EPS15L1: variants seen among roughly 807,000 people sequenced by gnomAD.
The protein encoded by EPS15L1 is epidermal growth factor receptor substrate 15-like 1.
In EPS15L1, 43 loss-of-function variants were observed where a neutral mutation model predicts 117.1. The ratio of observed to expected loss-of-function variants is 0.37; its 90% CI spans 0.29 to 0.47. The LOEUF is 0.47. Among genes scored for constraint, EPS15L1 ranks in the 20% least tolerant of loss-of-function variants. The probability of loss-of-function intolerance (pLI) is 0.99; values close to 1 mark genes in which losing one functional copy is unlikely to be tolerated. For synonymous variants in EPS15L1, 459 were observed against 470.5 expected (o/e 0.98, Z 0.32); for missense variants, 981 against 1,164.0 (o/e 0.84, Z 2.29).
chr19:16,428,873 G>A (rs556053500), intron 7 of EPS15L1, 112 bp from the exon 8 acceptor site: 102 of 782,630 alleles, frequency 1.3e-4, no homozygotes, highest in Non-Finnish European at 2.1e-4. Flanking sequence ...CTCAGGAGAC[G>A]GCAGTCAATA....
intron 13 of EPS15L1, among the ~76,000 whole-genome samples, chr19:16,407,743 A>G (rs1408913583): frequency 6.6e-6 from 1 of 152,138 alleles, no homozygotes; most frequent in Admixed American, 6.5e-5. Flanking sequence ...TTTCTCCCCC[A>G]TTTAGGAACC....
rs777149194 is a variant in EPS15L1 at position 16,402,369 on chromosome 19, G to C, written c.1743C>G (p.Asn581Lys). The change falls in exon 16 of 24, where the codon AAC (asparagine) becomes AAG (lysine). Residue 581 changes from asparagine (N) to lysine (K), a missense_variant. Physicochemically the swap from Asn to Lys is moderately conservative, Grantham distance 94 (BLOSUM62 0). Around this residue, in one of 5 missense-constraint regions of EPS15L1, gnomAD observed 819 missense variants for 949.0 expected, o/e 0.86. Transcript: ENST00000455140. ...CTGCCAGGGAGACGCCTTCGCTCAG[G>C]TTGGCCAGGTCGGTCAGGCTGGCAC... ...AHGASLTDLA[N>K]LSEGVSLAER... 5 of 1,614,024 alleles carry C rather than the reference G, an allele frequency of 3.1e-6. No homozygotes were observed. In the Admixed American group the frequency reaches 8.3e-5, roughly 27 times the overall value.
Position 16,355,772 on chromosome 19 carries a change from C to T in EPS15L1, c.2666G>A (p.Arg889Gln), listed in dbSNP as rs1350099327. The change falls in exon 24 of 24, where the codon CGG becomes CAG. Residue 889 changes from arginine to glutamine, a missense_variant. Coordinates refer to ENST00000455140, the MANE Select transcript of EPS15L1 (RefSeq NM_001258374.3). ...KAEQERLARLRRQEQEDLELA... is the reference protein window; with the variant it reads ...KAEQERLARLQRQEQEDLELA... ...TTCCAGGTCCTCCTGCTCCTGCCGCCGCAGCCGCGCCAGCCTCTCCTGTTC... is the reference window on the plus strand; with the variant it reads ...TTCCAGGTCCTCCTGCTCCTGCCGCTGCAGCCGCGCCAGCCTCTCCTGTTC... 14 of 1,535,944 alleles carry T rather than the reference C, an allele frequency of 9.1e-6. No individual in the cohort carries two copies. In the Middle Eastern group the frequency reaches 6.7e-4, roughly 73 times the overall value.
At chr19:16,392,900 G>C (rs2092493120) in intron 18 of EPS15L1, among the ~76,000 whole-genome samples, 1 of 151,878 alleles carries the variant, frequency 6.6e-6, no homozygotes, top group African/African-American at 2.4e-5. Context: ...AAATTAGCCA[G>C]GTGTGGTGGC....
At chr19:16,410,177 T>C (rs1031631866) in intron 13 of EPS15L1, among the ~76,000 whole-genome samples, 1 of 147,890 alleles carries the variant, frequency 6.8e-6, no homozygotes, top group East Asian at 2.0e-4. Context: ...AAGAAAAAAA[T>C]TTTTTCAATA....
At chr19:16,407,608 G>T (rs186841549) in intron 13 of EPS15L1, among the ~76,000 whole-genome samples, 3 of 152,314 alleles carry the variant, frequency 2.0e-5, no homozygotes, top group Non-Finnish European at 4.4e-5. Context: ...TTATAGGTGT[G>T]AGCCACCATG....
chr19:16,451,404 C>T (rs2093140888), intron 1 of EPS15L1, among the ~76,000 whole-genome samples: 1 of 152,086 alleles, frequency 6.6e-6, no homozygotes, highest in Non-Finnish European at 1.5e-5. Context: ...TCAGATAATA[C>T]CAATACCAAA....
chr19:16,362,899 A>G (rs2144636142), intron 22 of EPS15L1, among the ~76,000 whole-genome samples: 1 of 152,254 alleles, frequency 6.6e-6, no homozygotes, highest in African/African-American at 2.4e-5. Flanking sequence ...GGCTTCTGCC[A>G]AGCAGGGAAC....
chr19:16,361,671 A>G (rs1158280321), intron 23 of EPS15L1, 108 bp downstream of exon 23: 3 of 1,462,436 alleles, frequency 2.1e-6, no homozygotes, highest in Admixed American at 5.5e-5. Flanking sequence ...GTGAGGTACC[A>G]AGAGGCTAAA....
intron 1 of EPS15L1, among the ~76,000 whole-genome samples, chr19:16,444,067 A>AAC (rs1395874096): frequency 2.2e-4 from 33 of 150,592 alleles, no homozygotes; most frequent in African/African-American, 7.8e-4. Flanking sequence ...CCGTCTCAAA[A>AAC]AAAAAAAAAA....
At chr19:16,416,792 C>G (rs2092762261) in intron 12 of EPS15L1, among the ~76,000 whole-genome samples, 1 of 152,038 alleles carries the variant, frequency 6.6e-6, no homozygotes, top group African/African-American at 2.4e-5. Context: ...AGAGCGAGAC[C>G]CTGTCTGAAA....
At chr19:16,395,532 T>C in intron 16 of EPS15L1, 65 bp from the exon 17 acceptor site, 1 of 1,507,572 alleles carries the variant, frequency 6.6e-7, no homozygotes, top group Non-Finnish European at 9.2e-7. Context: ...AAGTACGGAA[T>C]TCCATACTTA....
intron 21 of EPS15L1, among the ~76,000 whole-genome samples, chr19:16,384,593 A>G (rs191855280): frequency 6.6e-6 from 1 of 152,254 alleles, no homozygotes; most frequent in Non-Finnish European, 1.5e-5. Context: ...TGAGGGCCGG[A>G]CACCAACGGG....
intron 1 of EPS15L1, among the ~76,000 whole-genome samples, chr19:16,468,059 C>G (rs973003057): frequency 1.3e-5 from 2 of 152,142 alleles, no homozygotes; most frequent in Non-Finnish European, 2.9e-5. Flanking sequence ...CATCACTGAG[C>G]CCAGTTACCA....
chr19:16,413,928 C>A (rs1483999190), intron 12 of EPS15L1, 83 bp from the exon 13 acceptor site: 1 of 1,008,938 alleles, frequency 9.9e-7, no homozygotes, highest in Non-Finnish European at 1.5e-6. Context: ...TGTTCACCCC[C>A]ACAAAAGCCC....
chr19:16,368,904 G>C (rs953776992), intron 22 of EPS15L1, among the ~76,000 whole-genome samples: 3 of 152,218 alleles, frequency 2.0e-5, no homozygotes, highest in Non-Finnish European at 2.9e-5. Context: ...CTGCCTAGGA[G>C]AGCAGTGGCC....
intron 13 of EPS15L1, among the ~76,000 whole-genome samples, chr19:16,408,218 G>A (rs568676648): frequency 6.6e-6 from 1 of 152,256 alleles, no homozygotes; most frequent in South Asian, 2.1e-4. Context: ...GGTTAGGAAG[G>A]GGAGCTCAGA....
intron 1 of EPS15L1, among the ~76,000 whole-genome samples, chr19:16,465,568 A>C (rs1464540079): frequency 6.6e-6 from 1 of 152,166 alleles, no homozygotes; most frequent in Non-Finnish European, 1.5e-5. Context: ...CTGTAGTCTC[A>C]GTTCCTTGAG....
chr19:16,420,723 A>C (rs924707485), intron 10 of EPS15L1, among the ~76,000 whole-genome samples: 6 of 152,264 alleles, frequency 3.9e-5, no homozygotes, highest in African/African-American at 7.2e-5. Context: ...CAAGCTCAAA[A>C]GTGACTTCAG....
Sources: allele counts gnomAD v4.1 joint callset (sites outside exome capture counted in the v4.1 genomes callset), GRCh38; gene constraint gnomAD v4.1.1; regional missense constraint gnomAD v4.1.1; transcripts MANE v1.5; gene names NCBI Gene and HGNC (gene_info 2026-07-23, HGNC 2026-07-21).